GDF1: variants seen among roughly 807,000 people sequenced by gnomAD.
The protein encoded by GDF1 is embryonic growth/differentiation factor 1.
GDF1 carries 8 observed loss-of-function variants against 7.4 expected under a neutral mutation model. The observed-to-expected ratio is 1.09, with a 90% CI of 0.64 to 1.96. The LOEUF (loss-of-function observed/expected upper bound fraction) is 1.96. Ranked by LOEUF, GDF1 falls within the 30% of genes most tolerant of loss-of-function variation. The pLI, the probability that GDF1 is intolerant of heterozygous loss-of-function variation, is 0.00. For synonymous variants in GDF1, 311 were observed against 276.7 expected (o/e 1.12, Z -1.23); for missense variants, 574 against 551.5 (o/e 1.04, Z -0.41).
chr19:18,887,137 A>G (rs2056381929), intron 2 of GDF1, among the ~76,000 whole-genome samples: 4 of 152,270 alleles, frequency 2.6e-5, no homozygotes, highest in African/African-American at 9.6e-5. Context: ...AAGAATAGAT[A>G]GGTTACCTCC....
At position 18,868,731 on chromosome 19, in the gene GDF1, G is replaced by A. The variant is rs760908706; in HGVS notation, c.985C>T (p.Pro329Ser). Residue 329 changes from proline to serine, a missense_variant, in exon 8 of 8, where the codon CCG becomes TCG. Coordinates refer to ENST00000247005, the MANE Select transcript of GDF1 (RefSeq NM_001492.6). The part of the protein sequence containing the change: ...VLRALMHAAA[P>S]GAADLPCCVP... ...CAGCAGGGCAGGTCGGCGGCTCCCGGGGCGGCCGCGTGCATGAGCGCGCGC... is the reference window on the plus strand; with the variant it reads ...CAGCAGGGCAGGTCGGCGGCTCCCGAGGCGGCCGCGTGCATGAGCGCGCGC... The A allele has an allele frequency of 8.1e-5, 125 of 1,534,320 alleles. No individual in the cohort carries two copies. Among genetic ancestry groups the A allele is most frequent in the East Asian group, 6.8e-4 (27 of 39,774 alleles).
At chr19:18,874,971 A>G (rs949980644) in intron 6 of GDF1, among the ~76,000 whole-genome samples, 2 of 152,228 alleles carry the variant, frequency 1.3e-5, no homozygotes, top group Admixed American at 6.5e-5. Flanking sequence ...AAAGTGGCTC[A>G]TGCCTGTAAT....
intron 6 of GDF1, among the ~76,000 whole-genome samples, chr19:18,871,604 A>AAAC (rs1400578842): frequency 2.0e-5 from 3 of 152,090 alleles, no homozygotes; most frequent in Non-Finnish European, 4.4e-5. Context: ...GGCTGGTCTC[A>AAAC]AACTCCTGGG....
At position 18,870,651 on chromosome 19, in the gene GDF1, G is replaced by T; in HGVS notation, c.-312-32C>A. ...GTCAGAACCGGCGCAGGTTAGCCTGGGAGCCCCACGCGGCCGCCTGGCCCT... is the reference window on the plus strand; with the variant it reads ...GTCAGAACCGGCGCAGGTTAGCCTGTGAGCCCCACGCGGCCGCCTGGCCCT... On this transcript the variant is annotated intron_variant, in intron 6 of 7. Coordinates refer to ENST00000247005, the MANE Select transcript of GDF1 (RefSeq NM_001492.6). The surrounding 1 kb of genome is among the most constrained non-coding windows in gnomAD (Gnocchi z 5.1). The T allele has an allele frequency of 1.9e-6, 1 of 527,714 alleles. No individual in the cohort carries two copies. Among genetic ancestry groups the T allele is most frequent in the Non-Finnish European group, 3.4e-6 (1 of 291,548 alleles). The allele number at this position is 527,714 out of a possible 1,614,324, so 32.7% of individuals were successfully genotyped here.
intron 2 of GDF1, among the ~76,000 whole-genome samples, chr19:18,892,571 G>A (rs375967904): frequency 3.9e-5 from 6 of 151,960 alleles, no homozygotes; most frequent in South Asian, 2.1e-4. Flanking sequence ...CCGAGATCGC[G>A]CCACTGCACT....
At chr19:18,894,430 G>A (rs915856542) in intron 1 of GDF1, among the ~76,000 whole-genome samples, 5 of 152,148 alleles carry the variant, frequency 3.3e-5, no homozygotes, top group Non-Finnish European at 5.9e-5. Context: ...AAGAAGATCA[G>A]CTTTGGAACA....
At chr19:18,880,176 G>T (rs2056167670) in intron 4 of GDF1, 98 bp downstream of exon 4, 5 of 1,300,992 alleles carry the variant, frequency 3.8e-6, no homozygotes, top group South Asian at 1.5e-5. Flanking sequence ...ACCTCACCGG[G>T]CCCCGCCTCC....
chr19:18,895,754 G>A lies in GDF1; in HGVS notation c.-1074+70C>T. 1.2e-6 allele frequency: 1 copy of A among 860,306 alleles called. No individual in the cohort carries two copies. The highest frequency in any genetic ancestry group is 1.5e-6 in the Non-Finnish European group (1 of 670,716). The allele number at this position is 860,306 out of a possible 1,614,324, so 53.3% of individuals were successfully genotyped here. A position where few individuals can be genotyped will look rare whatever the true frequency, so the allele number is the denominator to read the frequency against. On this transcript the variant is annotated intron_variant, in intron 1 of 7. Transcript: ENST00000247005. This position sits in a 1 kb window ranked among gnomAD's most constrained non-coding sequence, Gnocchi z 6.4. ...CGCTGGAAGAAAGGAACGCGCCGGC[G>A]GCCCCAGGTCCCCGGTCCCGGCTTC... is the stretch of plus-strand genomic sequence containing the variant.
chr19:18,873,560 A>C (rs1355855639), intron 6 of GDF1, among the ~76,000 whole-genome samples: 1 of 151,962 alleles, frequency 6.6e-6, no homozygotes, highest in Non-Finnish European at 1.5e-5. Context: ...AGCCGGGGCC[A>C]AGCATGGTGG....
chr19:18,890,520 G>A (rs1419096649), intron 2 of GDF1, among the ~76,000 whole-genome samples: 2 of 152,176 alleles, frequency 1.3e-5, no homozygotes, highest in Non-Finnish European at 2.9e-5. Context: ...GCTCATGCCT[G>A]TAATCCCACC....
Position 18,886,094 on chromosome 19 carries a change from GCCA to G in GDF1, c.-913-1830_-913-1828del, listed in dbSNP as rs1325395279. On this transcript the variant is annotated intron_variant, in intron 2 of 7. Coordinates refer to ENST00000247005, the MANE Select transcript of GDF1 (RefSeq NM_001492.6). Reference sequence around the variant, plus strand: ...CTCCTCAGCCACATCCCCAGAGGCTGCCAGACACCAAATTCAAGGGCTATGCTC... The same window carrying G: ...CTCCTCAGCCACATCCCCAGAGGCTGGACACCAAATTCAAGGGCTATGCTC... 4.9e-3 allele frequency among the ~76,000 whole-genome samples: 744 copies of G among 151,582 alleles called. 15 individuals carry two copies. Among genetic ancestry groups the G allele is most frequent in the African/African-American group, 0.018 (723 of 40,910 alleles).
At chr19:18,885,967 T>TC (rs1038807130) in intron 2 of GDF1, among the ~76,000 whole-genome samples, 10 of 151,966 alleles carry the variant, frequency 6.6e-5, no homozygotes, top group Non-Finnish European at 1.3e-4. Context: ...GCCAAGCGGG[T>TC]CCTGCCTCAC....
At chr19:18,880,511 G>T in intron 3 of GDF1, 76 bp from the exon 4 acceptor site, 1 of 1,413,188 alleles carries the variant, frequency 7.1e-7, no homozygotes, top group East Asian at 2.5e-5. Flanking sequence ...GCCCCCAGCA[G>T]AGTCCCTGGG....
chr19:18,886,589 A>C (rs1249882414), intron 2 of GDF1, among the ~76,000 whole-genome samples: 1 of 152,028 alleles, frequency 6.6e-6, no homozygotes, highest in Non-Finnish European at 1.5e-5. Context: ...ACAACAAAAA[A>C]AGGCGGGAAG....
At chr19:18,884,060 C>A in intron 3 of GDF1, 27 bp downstream of exon 3, 1 of 1,599,940 alleles carries the variant, frequency 6.3e-7, no homozygotes, top group Non-Finnish European at 8.5e-7. Context: ...TGTGCCTCGG[C>A]CCCCTGCCAC....
At chr19:18,884,822 T>TG (rs2056311456) in intron 2 of GDF1, among the ~76,000 whole-genome samples, 1 of 148,340 alleles carries the variant, frequency 6.7e-6, no homozygotes, top group Non-Finnish European at 1.5e-5. Context: ...CAAGCAATTC[T>TG]CCTGCCTCAG....
Position 18,889,135 on chromosome 19 carries a change from G to A in GDF1, c.-914+4281C>T, listed in dbSNP as rs570136234. ...TGGAACTCCCGGCCTCAAGTGATCC[G>A]CCCACCTCAGCCTCCCAAAATGCTA... On this transcript the variant is annotated intron_variant, in intron 2 of 7. Transcript: ENST00000247005. 4.3e-4 allele frequency among the ~76,000 whole-genome samples: 65 copies of A among 151,672 alleles called. No homozygotes were observed. The South Asian group carries it at 0.012, about 29-fold the overall frequency.
chr19:18,875,003 G>A (rs1439433313), intron 6 of GDF1, among the ~76,000 whole-genome samples: 2 of 152,218 alleles, frequency 1.3e-5, no homozygotes, highest in East Asian at 3.8e-4. Context: ...GGGAGGCTGA[G>A]GTGGGAGGAT....
At chr19:18,880,533 G>A in intron 3 of GDF1, 98 bp from the exon 4 acceptor site, 1 of 1,242,828 alleles carries the variant, frequency 8.0e-7, no homozygotes, top group Non-Finnish European at 1.1e-6. Context: ...TACACCTCAG[G>A]CTCCCCGTGG....
Sources: gnomAD v4.1 joint callset for allele counts (sites outside exome capture counted in the v4.1 genomes callset) on GRCh38, gnomAD v4.1.1 for gene constraint, Gnocchi (gnomAD v3.1) non-coding constraint, MANE v1.5 for transcripts, NCBI Gene and HGNC (gene_info 2026-07-23, HGNC 2026-07-21) for gene names.